DNAI4: variants seen among roughly 807,000 people sequenced by gnomAD.
The protein encoded by DNAI4 is WD repeat domain 78.
DNAI4 carries 85 observed loss-of-function variants against 105.8 expected under a neutral mutation model. That is an observed-to-expected ratio of 0.80 (90% CI 0.67 to 0.96). The LOEUF (loss-of-function observed/expected upper bound fraction) is 0.96, where lower values mean the gene tolerates loss of function less well. Among genes scored for constraint, DNAI4 ranks in the 40% least tolerant of loss-of-function variants. The probability of loss-of-function intolerance (pLI) is 0.00; values close to 1 mark genes in which losing one functional copy is unlikely to be tolerated. For missense variants in DNAI4, 1,014 were observed against 1,005.6 expected, an observed-to-expected ratio of 1.01 and a Z score of -0.11; for synonymous variants, 352 against 331.5, an observed-to-expected ratio of 1.06 and a Z score of -0.67.
chr1:66,837,543 C>T (rs1385620597), intron 10 of DNAI4, 167 bp downstream of exon 10: 4 of 784,302 alleles, frequency 5.1e-6, no homozygotes, highest in African/African-American at 1.8e-5. Flanking sequence ...TATCTTTACC[C>T]TATGTCAACA....
At chr1:66,823,963 T>C (rs1205634930) in intron 15 of DNAI4, among the ~76,000 whole-genome samples, 4 of 149,420 alleles carry the variant, frequency 2.7e-5, no homozygotes, top group African/African-American at 9.8e-5. Context: ...CTTTTGGTGT[T>C]TTAGACATGA....
chr1:66,845,623 T>C (rs974724287), intron 8 of DNAI4, among the ~76,000 whole-genome samples: 1 of 152,102 alleles, frequency 6.6e-6, no homozygotes, highest in African/African-American at 2.4e-5. Flanking sequence ...CCTCAGTGTG[T>C]GAATGGACAA....
At chr1:66,880,719 C>T (rs890225572) in intron 4 of DNAI4, among the ~76,000 whole-genome samples, 11 of 152,128 alleles carry the variant, frequency 7.2e-5, no homozygotes, top group Non-Finnish European at 2.9e-5. Flanking sequence ...AAAAGAAAAT[C>T]CCATTTTCTG....
At chr1:66,889,285 T>G (rs919258023) in intron 4 of DNAI4, among the ~76,000 whole-genome samples, 1 of 152,154 alleles carries the variant, frequency 6.6e-6, no homozygotes, top group Admixed American at 6.6e-5. Flanking sequence ...TTCTGGGAAA[T>G]TTTTTACCTT....
At chr1:66,886,030 C>G (rs535271397) in intron 4 of DNAI4, among the ~76,000 whole-genome samples, 1 of 152,072 alleles carries the variant, frequency 6.6e-6, no homozygotes, top group East Asian at 1.9e-4. Flanking sequence ...GATGGCTGTT[C>G]TATTTTCATT....
chr1:66,830,012 G>GAA (rs1191387349), intron 13 of DNAI4, among the ~76,000 whole-genome samples: 1 of 152,084 alleles, frequency 6.6e-6, no homozygotes, highest in East Asian at 1.9e-4. Context: ...AATTTGAACA[G>GAA]AATGAAAATG....
At chr1:66,914,341 C>T (rs1448633092) in intron 1 of DNAI4, among the ~76,000 whole-genome samples, 3 of 152,044 alleles carry the variant, frequency 2.0e-5, no homozygotes, top group African/African-American at 4.8e-5. Flanking sequence ...TCTGCCTGCT[C>T]TAAATCTGCT....
chr1:66,921,448 G>A (rs905675997), intron 1 of DNAI4: 3 of 152,172 alleles, frequency 2.0e-5, no homozygotes, highest in Non-Finnish European at 2.9e-5. Context: ...AAACCAAAAG[G>A]TTGTAAACTT....
chr1:66,827,061 A>T lies in DNAI4; in HGVS notation c.2113-15T>A. On this transcript the variant is annotated splice_polypyrimidine_tract_variant and intron_variant, in intron 14 of 16. Transcript: ENST00000371026. ...TACACTGGACCCTAGAAATAAAAAA[A>T]AAATACATAGGTAAATAATATTTAA... is the stretch of plus-strand genomic sequence containing the variant. 6.4e-7 allele frequency: 1 copy of T among 1,573,376 alleles called. No homozygotes were observed. The highest frequency in any genetic ancestry group is 1.2e-5 in the South Asian group (1 of 84,686).
chr1:66,837,378 A>AAAC (rs905322186), intron 10 of DNAI4, among the ~76,000 whole-genome samples: 1 of 151,700 alleles, frequency 6.6e-6, no homozygotes, highest in Admixed American at 6.6e-5. Flanking sequence ...AAAAAAAAAA[A>AAAC]AAAAAACATA....
intron 4 of DNAI4, among the ~76,000 whole-genome samples, chr1:66,886,945 C>G (rs954141013): frequency 6.6e-6 from 1 of 152,050 alleles, no homozygotes; most frequent in South Asian, 2.1e-4. Context: ...CCCCCACCCC[C>G]CATCCCCAGA....
intron 8 of DNAI4, among the ~76,000 whole-genome samples, chr1:66,845,763 C>G (rs1646261707): frequency 6.7e-6 from 1 of 149,916 alleles, no homozygotes; most frequent in Non-Finnish European, 1.5e-5. Flanking sequence ...CAAAAGAATA[C>G]TTACTTTATG....
intron 7 of DNAI4, among the ~76,000 whole-genome samples, chr1:66,851,491 G>A (rs769991498): frequency 1.3e-5 from 2 of 151,680 alleles, no homozygotes; most frequent in Non-Finnish European, 3.0e-5. Context: ...CCTAATAACA[G>A]CAGAATACAC....
At chr1:66,864,596 A>T (rs1646692818) in intron 6 of DNAI4, among the ~76,000 whole-genome samples, 1 of 152,228 alleles carries the variant, frequency 6.6e-6, no homozygotes, top group Non-Finnish European at 1.5e-5. Context: ...TCACGCCTGT[A>T]ATCCCAGCAC....
At position 66,823,659 on chromosome 1, in the gene DNAI4, G is replaced by A. The variant is rs1406020953; in HGVS notation, c.2340-1142C>T. ...TTGATTTGCATTTCTCTGATGGCCA[G>A]TGATGATGAGCATTTTTTCATGTGT... On this transcript the variant is annotated intron_variant, in intron 15 of 16. Coordinates refer to ENST00000371026, the MANE Select transcript of DNAI4 (RefSeq NM_024763.5). 8.1e-5 allele frequency among the ~76,000 whole-genome samples: 12 copies of A among 148,134 alleles called. No homozygotes were observed. In the East Asian group the frequency reaches 2.0e-3, roughly 24 times the overall value.
At chr1:66,883,584 G>A (rs530789059) in intron 4 of DNAI4, among the ~76,000 whole-genome samples, 9 of 152,168 alleles carry the variant, frequency 5.9e-5, no homozygotes, top group African/African-American at 2.2e-4. Flanking sequence ...GGCCCAATCT[G>A]CATGAACTTT....
At chr1:66,836,292 GAAAGAAAGAAAGAAAGAAAGAA>G (rs1557908971) in intron 10 of DNAI4, among the ~76,000 whole-genome samples, 11 of 149,436 alleles carry the variant, frequency 7.4e-5, no homozygotes, top group African/African-American at 2.7e-4. Flanking sequence ...AAGAAAGAAA[GAAAGAAAGAAAGAAAGAAAGAA>G]AGAAAGAAAG....
chr1:66,815,210 T>C (rs1280614436), intron 16 of DNAI4, among the ~76,000 whole-genome samples: 3 of 152,230 alleles, frequency 2.0e-5, no homozygotes, highest in Non-Finnish European at 4.4e-5. Flanking sequence ...CTCATCTCTT[T>C]CTACTTCAGT....
At chr1:66,864,208 T>C (rs545299110) in intron 6 of DNAI4, among the ~76,000 whole-genome samples, 37 of 152,218 alleles carry the variant, frequency 2.4e-4, no homozygotes, top group Non-Finnish European at 3.5e-4. Flanking sequence ...ATTGTATACA[T>C]TAATAAGTGC....
Sources: allele counts gnomAD v4.1 joint callset (sites outside exome capture counted in the v4.1 genomes callset), GRCh38; gene constraint gnomAD v4.1.1; transcripts MANE v1.5; gene names NCBI Gene and HGNC (gene_info 2026-07-23, HGNC 2026-07-21).